CAPZA1: variants seen among roughly 807,000 people sequenced by gnomAD.
CAPZA1 encodes capping actin protein of muscle Z-line subunit alpha 1, also known as F-actin-capping protein subunit alpha-1.
In CAPZA1, 10 loss-of-function variants were observed where a neutral mutation model predicts 40.8. The observed-to-expected ratio is 0.25, with a 90% CI of 0.15 to 0.42. CAPZA1 has a LOEUF of 0.42. CAPZA1 is among the 10% of genes least tolerant of loss of function. CAPZA1 has a pLI of 1.00. For missense variants in CAPZA1, 277 were observed against 353.8 expected (o/e 0.78, Z 1.74); for synonymous variants, 98 against 115.0 (o/e 0.85, Z 0.95).
chr1:112,645,525 T>C (rs1003360948), intron 1 of CAPZA1, among the ~76,000 whole-genome samples: 2 of 152,060 alleles, frequency 1.3e-5, no homozygotes, highest in Non-Finnish European at 2.9e-5. Context: ...TCTTAGCTAC[T>C]TGAGAGCTTG....
intron 1 of CAPZA1, among the ~76,000 whole-genome samples, chr1:112,629,211 C>T (rs900798318): frequency 2.0e-5 from 3 of 152,192 alleles, no homozygotes; most frequent in Non-Finnish European, 4.4e-5. Context: ...CACGTATTCT[C>T]GCTGAATAAT....
At chr1:112,657,128 C>T (rs1459337788) in intron 5 of CAPZA1, among the ~76,000 whole-genome samples, 2 of 152,026 alleles carry the variant, frequency 1.3e-5, no homozygotes, top group East Asian at 3.9e-4. Flanking sequence ...TCTTGAACTC[C>T]TGACCTTGTA....
intron 7 of CAPZA1, among the ~76,000 whole-genome samples, chr1:112,665,381 T>C (rs892293582): frequency 6.6e-6 from 1 of 152,064 alleles, no homozygotes; most frequent in African/African-American, 2.4e-5. Flanking sequence ...GGTTTCGCCG[T>C]GTTGGCCAGG....
At chr1:112,621,895 A>G (rs966386778) in intron 1 of CAPZA1, among the ~76,000 whole-genome samples, 3 of 149,740 alleles carry the variant, frequency 2.0e-5, no homozygotes, top group African/African-American at 7.4e-5. Flanking sequence ...TCGAGTAGCT[A>G]GGATTACAGG....
At chr1:112,658,178 AT>A (rs1044777170) in intron 5 of CAPZA1, among the ~76,000 whole-genome samples, 73 of 150,522 alleles carry the variant, frequency 4.8e-4, no homozygotes, top group Middle Eastern at 3.4e-3. Flanking sequence ...ATAAAGCGCT[AT>A]TTTTTTTTTC....
intron 5 of CAPZA1, 78 bp from the exon 6 acceptor site, chr1:112,658,944 A>G: frequency 2.9e-6 from 3 of 1,039,488 alleles, no homozygotes; most frequent in Non-Finnish European, 3.0e-6. Flanking sequence ...AGGATTTAAC[A>G]CTCTGCTTTT....
intron 1 of CAPZA1, among the ~76,000 whole-genome samples, chr1:112,624,023 A>AAAAAAAAAAG (rs1557724999): frequency 1.3e-5 from 2 of 150,026 alleles, no homozygotes; most frequent in African/African-American, 2.5e-5. Flanking sequence ...AAAAAAAAGA[A>AAAAAAAAAAG]AAAAGAAAAG....
At chr1:112,643,407 G>T (rs910459887) in intron 1 of CAPZA1, among the ~76,000 whole-genome samples, 3 of 152,148 alleles carry the variant, frequency 2.0e-5, no homozygotes, top group Non-Finnish European at 2.9e-5. Flanking sequence ...TCAAGGCAGG[G>T]TTCTAAAACT....
chr1:112,662,940 G>A (rs1671650007), intron 7 of CAPZA1, among the ~76,000 whole-genome samples: 1 of 151,784 alleles, frequency 6.6e-6, no homozygotes, highest in African/African-American at 2.4e-5. Context: ...CATCCTGTTT[G>A]TAATAATTCC....
At chr1:112,624,120 A>T (rs1670749001) in intron 1 of CAPZA1, among the ~76,000 whole-genome samples, 1 of 152,136 alleles carries the variant, frequency 6.6e-6, no homozygotes, top group South Asian at 2.1e-4. Flanking sequence ...CTGATTTATC[A>T]TAATTTCTTC....
intron 3 of CAPZA1, among the ~76,000 whole-genome samples, chr1:112,651,014 C>T (rs1671376693): frequency 1.3e-5 from 2 of 152,154 alleles, no homozygotes; most frequent in Non-Finnish European, 2.9e-5. Context: ...AAGAAAAATT[C>T]AGTTTTATTT....
intron 1 of CAPZA1, among the ~76,000 whole-genome samples, chr1:112,639,522 G>A (rs766440938): frequency 2.0e-5 from 3 of 152,032 alleles, no homozygotes; most frequent in African/African-American, 4.8e-5. Context: ...TTAAGCATGA[G>A]GTACTATGGG....
chr1:112,639,171 A>C (rs1202250422), intron 1 of CAPZA1, among the ~76,000 whole-genome samples: 5 of 152,078 alleles, frequency 3.3e-5, no homozygotes. Context: ...TTGCTATGAC[A>C]ATGTGTTTTA....
At chr1:112,653,117 A>G (rs1570718579) in intron 3 of CAPZA1, among the ~76,000 whole-genome samples, 1 of 152,338 alleles carries the variant, frequency 6.6e-6, no homozygotes, top group East Asian at 1.9e-4. Context: ...AATTACTGAA[A>G]GCTTCTGCCC....
intron 1 of CAPZA1, among the ~76,000 whole-genome samples, chr1:112,641,093 G>T (rs989350483): frequency 2.6e-5 from 4 of 152,076 alleles, no homozygotes; most frequent in Non-Finnish European, 5.9e-5. Context: ...GCGGAAGGCC[G>T]CAGGGTCCTC....
chr1:112,670,107 T>C lies in CAPZA1; in HGVS notation c.836T>C (p.Ile279Thr). 2 of 1,613,966 alleles carry C rather than the reference T, an allele frequency of 1.2e-6. No homozygotes were observed. The highest frequency in any genetic ancestry group is 1.7e-6 in the Non-Finnish European group (2 of 1,179,858). Reference protein sequence around the residue: ...IDWNKILSYKIGKEMQNA With the variant: ...IDWNKILSYKTGKEMQNA ...TGGAACAAGATACTCAGCTACAAGATTGGCAAAGAAATGCAGAATGCTTAA... is the reference window on the plus strand; with the variant it reads ...TGGAACAAGATACTCAGCTACAAGACTGGCAAAGAAATGCAGAATGCTTAA... Residue 279 changes from isoleucine (I) to threonine (T), a missense_variant, in exon 10 of 10, where the codon ATT becomes ACT. Ile to Thr is a moderately conservative substitution (Grantham distance 89). This residue lies in a region of CAPZA1 where 192 missense variants were observed against 277.2 expected (regional missense o/e 0.69). Transcript: ENST00000263168.
chr1:112,644,184 CTTTTTTTTT>C (rs60802838), intron 1 of CAPZA1, among the ~76,000 whole-genome samples: 3 of 56,782 alleles, frequency 5.3e-5, no homozygotes, highest in Admixed American at 3.2e-4. Context: ...CTTCTCCCAG[CTTTTTTTTT>C]TTTTTTTTTT....
intron 1 of CAPZA1, among the ~76,000 whole-genome samples, chr1:112,637,334 C>G (rs908918696): frequency 3.9e-5 from 6 of 152,266 alleles, no homozygotes; most frequent in Admixed American, 3.9e-4. Flanking sequence ...TTCTAGGTCT[C>G]AGTCCTGGGT....
At chr1:112,651,941 C>T (rs1043336636) in intron 3 of CAPZA1, among the ~76,000 whole-genome samples, 1 of 151,208 alleles carries the variant, frequency 6.6e-6, no homozygotes, top group Non-Finnish European at 1.5e-5. Flanking sequence ...CATGGTGAGA[C>T]TCCCCCCGAT....
Sources: gnomAD v4.1 joint callset for allele counts (sites outside exome capture counted in the v4.1 genomes callset) on GRCh38, gnomAD v4.1.1 for gene constraint, gnomAD v4.1.1 regional missense constraint, MANE v1.5 for transcripts, NCBI Gene and HGNC (gene_info 2026-07-23, HGNC 2026-07-21) for gene names.